The following SLAIN1 variants were observed in gnomAD, a reference collection of about 807,000 sequenced individuals.
SLAIN1 encodes SLAIN motif-containing protein 1.
Under a neutral mutation model 55.4 loss-of-function variants are expected in SLAIN1, and 17 were observed. That is an observed-to-expected ratio of 0.31 (90% CI 0.21 to 0.46). The LOEUF (loss-of-function observed/expected upper bound fraction) is 0.46, where lower values mean the gene tolerates loss of function less well. SLAIN1 is among the 20% of genes least tolerant of loss of function. SLAIN1 has a pLI of 1.00. For missense variants in SLAIN1, 682 were observed against 785.1 expected (o/e 0.87, Z 1.57); for synonymous variants, 348 against 337.4 (o/e 1.03, Z -0.35).
chr13:77,702,397 A>G (rs1335467723), intron 1 of SLAIN1, among the ~76,000 whole-genome samples: 2 of 152,150 alleles, frequency 1.3e-5, no homozygotes, highest in Admixed American at 1.3e-4. Flanking sequence ...CCATGCATAC[A>G]TGGGACACAG....
chr13:77,716,142 A>G (rs2091204887), intron 1 of SLAIN1, among the ~76,000 whole-genome samples: 1 of 150,832 alleles, frequency 6.6e-6, no homozygotes, highest in African/African-American at 2.4e-5. Flanking sequence ...TTTCTCACAT[A>G]TAGATACCCA....
Position 77,698,004 on chromosome 13 carries a change from A to C in SLAIN1, c.91A>C (p.Lys31Gln), listed in dbSNP as rs2090990728. The change falls in exon 1 of 7, where the codon AAG (lysine) becomes CAG (glutamine). Residue 31 changes from lysine (K) to glutamine (Q), a missense_variant. By Grantham distance (53) the Lys-to-Gln change is moderately conservative. Around this residue, in one of 3 missense-constraint regions of SLAIN1, gnomAD observed 401 missense variants for 417.3 expected, o/e 0.96. Coordinates refer to ENST00000418532, the MANE Select transcript of SLAIN1 (RefSeq NM_001242868.2). The surrounding 1 kb of genome is among the most constrained non-coding windows in gnomAD (Gnocchi z 4.1). ...GGTGAACGCGGAGCTGGAGGTGAAG[A>C]AGCTGCAGGAGCTGGTGCGCAAGCT... is the stretch of plus-strand genomic sequence containing the variant. ...PVVNAELEVK[K>Q]LQELVRKLEK... 4.2e-6 allele frequency: 6 copies of C among 1,437,860 alleles called. No homozygotes were observed. Among genetic ancestry groups the C allele is most frequent in the Non-Finnish European group, 5.5e-6 (6 of 1,085,228 alleles). The allele number at this position is 1,437,860 out of a possible 1,614,324, so 89.1% of individuals were successfully genotyped here. A position where few individuals can be genotyped will look rare whatever the true frequency, so the allele number is the denominator to read the frequency against.
chr13:77,703,496 A>T (rs1275065852), intron 1 of SLAIN1, among the ~76,000 whole-genome samples: 2 of 152,126 alleles, frequency 1.3e-5, no homozygotes, highest in African/African-American at 4.8e-5. Flanking sequence ...GAGCAAATGG[A>T]GTTGACTGAA....
At chr13:77,739,346 C>G (rs1260853326) in intron 2 of SLAIN1, among the ~76,000 whole-genome samples, 2 of 152,016 alleles carry the variant, frequency 1.3e-5, no homozygotes, top group African/African-American at 4.8e-5. Context: ...TATTAGTCAA[C>G]TTGCCAAAAT....
chr13:77,740,054 A>C (rs559452646), intron 2 of SLAIN1, among the ~76,000 whole-genome samples: 13 of 152,192 alleles, frequency 8.5e-5, no homozygotes, highest in African/African-American at 3.1e-4. Flanking sequence ...AAGTTTAACC[A>C]ATAAGGGTGC....
chr13:77,716,182 CT>C (rs529856054), intron 1 of SLAIN1, among the ~76,000 whole-genome samples: 116 of 151,338 alleles, frequency 7.7e-4, no homozygotes, highest in Admixed American at 2.0e-3. Flanking sequence ...ATTTAAAAGA[CT>C]ATCCTTTAAA....
rs1255419755 is a variant in SLAIN1 at position 77,698,689 on chromosome 13, G to T, written c.626+150G>T. 1.6e-6 allele frequency: 2 copies of T among 1,236,300 alleles called. No homozygotes were observed. Among genetic ancestry groups the T allele is most frequent in the East Asian group, 5.8e-5 (2 of 34,590 alleles). 76.6% of individuals were successfully genotyped at this position (1,236,300 alleles called of 1,614,324 possible). On this transcript the variant is annotated intron_variant, in intron 1 of 6. Coordinates refer to ENST00000418532, the MANE Select transcript of SLAIN1 (RefSeq NM_001242868.2). The surrounding 1 kb of genome is among the most constrained non-coding windows in gnomAD (Gnocchi z 4.1). Reference sequence around the variant, plus strand: ...GAGGGGCCGACCCAGCAGGTGTTGAGCCAGGCGGTGACACTTCCCACGATG... The same window carrying T: ...GAGGGGCCGACCCAGCAGGTGTTGATCCAGGCGGTGACACTTCCCACGATG...
intron 1 of SLAIN1, among the ~76,000 whole-genome samples, chr13:77,715,530 T>C (rs139971215): frequency 4.0e-5 from 6 of 148,548 alleles, no homozygotes; most frequent in African/African-American, 1.3e-4. Context: ...TCCAAAGTGG[T>C]TTCACCATTT....
At chr13:77,720,810 A>G (rs1227667579) in intron 2 of SLAIN1, among the ~76,000 whole-genome samples, 2 of 152,220 alleles carry the variant, frequency 1.3e-5, no homozygotes, top group African/African-American at 2.4e-5. Context: ...GTAAATATCA[A>G]CAGAAATCTG....
chr13:77,741,163 A>G lies in SLAIN1; in HGVS notation c.767-3120A>G, dbSNP rs1035903690. The G allele has an allele frequency of 4.1e-6, 4 of 985,340 alleles. No homozygotes were observed. The South Asian group carries it at 1.4e-4, about 35-fold the overall frequency. 61.0% of individuals were successfully genotyped at this position (985,340 alleles called of 1,614,324 possible). ...TGGGTGAGAACACGCAGTTACTGTA[A>G]TTTGCCTGGCAAGTGATCAGACTGG... On this transcript the variant is annotated intron_variant, in intron 2 of 6. Coordinates refer to ENST00000418532, the MANE Select transcript of SLAIN1 (RefSeq NM_001242868.2).
At chr13:77,755,535 C>T (rs1019249946) in intron 5 of SLAIN1, among the ~76,000 whole-genome samples, 63 of 151,930 alleles carry the variant, frequency 4.1e-4, no homozygotes, top group African/African-American at 1.3e-3. Context: ...CCCAAAATGA[C>T]GGGAAAATGT....
At chr13:77,761,312 C>A (rs1253902246) in intron 6 of SLAIN1, among the ~76,000 whole-genome samples, 1 of 152,104 alleles carries the variant, frequency 6.6e-6, no homozygotes, top group East Asian at 1.9e-4. Context: ...ATTTTCTTCC[C>A]TTACTCCCTC....
intron 5 of SLAIN1, among the ~76,000 whole-genome samples, chr13:77,759,699 A>G (rs1021128543): frequency 6.6e-6 from 1 of 152,138 alleles, no homozygotes; most frequent in Admixed American, 6.5e-5. Flanking sequence ...TGAGATGATC[A>G]TATAGTTTTG....
rs571910927 is a variant in SLAIN1 at position 77,716,623 on chromosome 13, T to A, written c.627-2909T>A. On this transcript the variant is annotated intron_variant, in intron 1 of 6. Coordinates refer to ENST00000418532, the MANE Select transcript of SLAIN1 (RefSeq NM_001242868.2). The stretch of plus-strand genomic sequence containing the variant: ...TATCCTTAAGCATCTGATGGTTTTT[T>A]AAAAAATGCTATAGTAAATGAAAAG... 1.0e-3 allele frequency among the ~76,000 whole-genome samples: 153 copies of A among 152,232 alleles called. 2 individuals are homozygous for A. The highest frequency in any genetic ancestry group is 4.4e-4 in the Non-Finnish European group (30 of 67,992).
chr13:77,703,912 CACAT>C (rs2091056552), intron 1 of SLAIN1, among the ~76,000 whole-genome samples: 1 of 124,864 alleles, frequency 8.0e-6, no homozygotes, highest in African/African-American at 3.0e-5. Context: ...TATACACACA[CACAT>C]ATATATTTTT....
Position 77,698,386 on chromosome 13 carries a change from G to T in SLAIN1, c.473G>T (p.Gly158Val). The T allele has an allele frequency of 7.0e-7, 1 of 1,420,516 alleles. No homozygotes were observed. The highest frequency in any genetic ancestry group is 9.2e-7 in the Non-Finnish European group (1 of 1,087,690). 88.0% of individuals were successfully genotyped at this position (1,420,516 alleles called of 1,614,324 possible). Residue 158 changes from glycine to valine, a missense_variant, in exon 1 of 7, where the codon GGC (glycine) becomes GTC (valine). Transcript: ENST00000418532. The surrounding 1 kb of genome is among the most constrained non-coding windows in gnomAD (Gnocchi z 4.1). ...TTCAAGCCGGCAGCAGGCTTCTTCGGCGCGGGCGGTGGCGGGCCGGAGCCG... is the reference window on the plus strand; with the variant it reads ...TTCAAGCCGGCAGCAGGCTTCTTCGTCGCGGGCGGTGGCGGGCCGGAGCCG... The part of the protein sequence containing the change: ...VYFKPAAGFF[G>V]AGGGGPEPGG...
At chr13:77,737,950 C>T (rs1873210309) in intron 2 of SLAIN1, among the ~76,000 whole-genome samples, 1 of 151,978 alleles carries the variant, frequency 6.6e-6, no homozygotes, top group Admixed American at 6.6e-5. Context: ...AGTGCCTATT[C>T]AAATGAATAG....
At chr13:77,747,753 G>A (rs888659669) in intron 4 of SLAIN1, among the ~76,000 whole-genome samples, 6 of 152,136 alleles carry the variant, frequency 3.9e-5, no homozygotes, top group African/African-American at 1.2e-4. Context: ...ATTTGACAGG[G>A]TAATGGGAAA....
chr13:77,749,180 A>G (rs1017322206), intron 4 of SLAIN1, among the ~76,000 whole-genome samples: 2 of 152,180 alleles, frequency 1.3e-5, no homozygotes, highest in African/African-American at 4.8e-5. Flanking sequence ...CTGTTGATTC[A>G]TTTTAAAATA....
Sources: gnomAD v4.1 joint callset for allele counts (sites outside exome capture counted in the v4.1 genomes callset) on GRCh38, gnomAD v4.1.1 for gene constraint, gnomAD v4.1.1 regional missense constraint, Gnocchi (gnomAD v3.1) non-coding constraint, MANE v1.5 for transcripts, NCBI Gene and HGNC (gene_info 2026-07-23, HGNC 2026-07-21) for gene names.